Variants in NEK10 observed in about 807,000 individuals in gnomAD.
NEK10 encodes the protein serine/threonine-protein kinase Nek10.
In NEK10, 122 loss-of-function variants were observed where a neutral mutation model predicts 159.8. The ratio of observed to expected loss-of-function variants is 0.76; its 90% CI spans 0.66 to 0.89. The LOEUF (loss-of-function observed/expected upper bound fraction) is 0.89, where lower values mean the gene tolerates loss of function less well. Ranked by LOEUF, NEK10 falls within the 40% of genes least tolerant of loss-of-function variation. The pLI is 0.00. For synonymous variants in NEK10, 466 were observed against 457.1 expected, an observed-to-expected ratio of 1.02 and a Z score of -0.25; for missense variants, 1,342 against 1,323.1, an observed-to-expected ratio of 1.01 and a Z score of -0.22.
At position 27,127,910 on chromosome 3, in the gene NEK10, C is replaced by T. The variant is rs534596475; in HGVS notation, c.3081+3970G>A. ...CCTTCTTCTCTCCTCCTCCCCTCTT[C>T]CTGAAATTTATTTATTGAAGAAAAC... On this transcript the variant is annotated intron_variant, in intron 32 of 35. Coordinates refer to ENST00000691995, the MANE Select transcript of NEK10 (RefSeq NM_001394966.1). Among the ~76,000 whole-genome samples, 4 of 152,240 alleles carry T rather than the reference C, an allele frequency of 2.6e-5. No individual in the cohort carries two copies. In the East Asian group the frequency reaches 7.7e-4, roughly 29 times the overall value.
At chr3:27,286,739 G>T (rs1333859015) in intron 20 of NEK10, among the ~76,000 whole-genome samples, 4 of 151,736 alleles carry the variant, frequency 2.6e-5, no homozygotes, top group Admixed American at 2.0e-4. Flanking sequence ...AAACGTTTTT[G>T]TTTTTTATAT....
At chr3:27,138,730 T>G (rs1943476418) in intron 31 of NEK10, among the ~76,000 whole-genome samples, 1 of 152,212 alleles carries the variant, frequency 6.6e-6, no homozygotes, top group Non-Finnish European at 1.5e-5. Flanking sequence ...CTGAGCCCAG[T>G]GCTGAGTTTT....
At chr3:27,198,010 T>C (rs1949711889) in intron 25 of NEK10, among the ~76,000 whole-genome samples, 4 of 152,050 alleles carry the variant, frequency 2.6e-5, no homozygotes, top group Admixed American at 1.3e-4. Context: ...AAGAGCCAGA[T>C]CAGGCATGCA....
chr3:27,184,572 G>A (rs1342858309), intron 26 of NEK10, among the ~76,000 whole-genome samples: 1 of 152,206 alleles, frequency 6.6e-6, no homozygotes, highest in Non-Finnish European at 1.5e-5. Flanking sequence ...ATAAAAAAGA[G>A]AGAATTGTAG....
chr3:27,174,712 T>C lies in NEK10; in HGVS notation c.2627A>G (p.Glu876Gly). The change falls in exon 27 of 36, where the codon GAA (glutamate) becomes GGA (glycine). Residue 876 changes from glutamate (E) to glycine (G), a missense_variant. Transcript: ENST00000691995. ...EGFQASYGKD[E>G]DRACDEILSD... ...CAGGATTTCGTCACAGGCCCTGTCT[T>C]CGTCTTTACCATAGGAGGCCTGGAA... The C allele has an allele frequency of 6.2e-7, 1 of 1,613,616 alleles. No homozygotes were observed. Among genetic ancestry groups the C allele is most frequent in the South Asian group, 1.1e-5 (1 of 90,990 alleles).
At chr3:27,208,380 G>T (rs985093221) in intron 23 of NEK10, among the ~76,000 whole-genome samples, 1 of 152,104 alleles carries the variant, frequency 6.6e-6, no homozygotes, top group African/African-American at 2.4e-5. Context: ...CTTATTATAA[G>T]CACTTAATAG....
chr3:27,201,421 A>G (rs932543285), intron 25 of NEK10, 89 bp downstream of exon 25: 16 of 1,126,794 alleles, frequency 1.4e-5, no homozygotes, highest in Admixed American at 2.1e-5. Context: ...CTTTCTCTTC[A>G]TGACCTTTTA....
chr3:27,198,810 G>A (rs937616523), intron 25 of NEK10, among the ~76,000 whole-genome samples: 12 of 152,174 alleles, frequency 7.9e-5, no homozygotes, highest in African/African-American at 2.9e-4. Flanking sequence ...GGTGACTCAC[G>A]ACTGTAATCC....
chr3:27,258,639 T>A (rs1020766624), intron 22 of NEK10, among the ~76,000 whole-genome samples: 7 of 152,200 alleles, frequency 4.6e-5, no homozygotes, highest in African/African-American at 1.7e-4. Flanking sequence ...TTGGGTTGGT[T>A]CCAAGTCTTT....
At chr3:27,237,451 A>T (rs1344771439) in intron 23 of NEK10, among the ~76,000 whole-genome samples, 3 of 152,220 alleles carry the variant, frequency 2.0e-5, no homozygotes, top group African/African-American at 2.4e-5. Context: ...GTAAGAAATT[A>T]TAAAAGTATT....
intron 26 of NEK10, among the ~76,000 whole-genome samples, chr3:27,185,697 A>G (rs1948550719): frequency 6.6e-6 from 1 of 152,190 alleles, no homozygotes; most frequent in African/African-American, 2.4e-5. Context: ...CAGGACTGTC[A>G]ATGTATATGA....
intron 28 of NEK10, 95 bp from the exon 29 acceptor site, chr3:27,171,968 G>A: frequency 7.7e-7 from 1 of 1,301,180 alleles, no homozygotes; most frequent in Non-Finnish European, 1.1e-6. Flanking sequence ...AACAAATACT[G>A]GTGAAGATGC....
intron 32 of NEK10, among the ~76,000 whole-genome samples, chr3:27,131,417 C>T (rs541507933): frequency 3.0e-4 from 46 of 152,240 alleles, no homozygotes; most frequent in African/African-American, 9.9e-4. Flanking sequence ...CTGCTAGTAT[C>T]TAAGGTCTAG....
At chr3:27,162,815 T>C (rs1476037447) in intron 29 of NEK10, 77 bp from the exon 30 acceptor site, 4 of 1,588,830 alleles carry the variant, frequency 2.5e-6, no homozygotes, top group South Asian at 1.1e-5. Flanking sequence ...CATCTTGCTA[T>C]GGTCTACATT....
chr3:27,289,306 T>G (rs1575602914), intron 19 of NEK10, among the ~76,000 whole-genome samples: 1 of 152,314 alleles, frequency 6.6e-6, no homozygotes, highest in East Asian at 1.9e-4. Flanking sequence ...TCTTTGTTAA[T>G]GCAGGTTAAT....
chr3:27,119,565 A>G (rs1940984918), intron 33 of NEK10, among the ~76,000 whole-genome samples, 195 bp downstream of exon 33: 1 of 152,234 alleles, frequency 6.6e-6, no homozygotes, highest in South Asian at 2.1e-4. Flanking sequence ...TGATCAAGGA[A>G]GCTGCCACAA....
intron 30 of NEK10, among the ~76,000 whole-genome samples, chr3:27,152,562 T>G (rs2148753253): frequency 6.7e-6 from 1 of 149,916 alleles, no homozygotes; most frequent in Admixed American, 6.6e-5. Flanking sequence ...TATCAAACCC[T>G]CTAAAACAAA....
At chr3:27,200,722 G>A (rs1949971096) in intron 25 of NEK10, among the ~76,000 whole-genome samples, 1 of 152,194 alleles carries the variant, frequency 6.6e-6, no homozygotes, top group Admixed American at 6.5e-5. Context: ...TTTTAAAGCA[G>A]GCAAGGAGGT....
intron 23 of NEK10, among the ~76,000 whole-genome samples, chr3:27,242,673 T>C (rs1245427408): frequency 6.6e-6 from 1 of 152,168 alleles, no homozygotes; most frequent in Non-Finnish European, 1.5e-5. Flanking sequence ...TGAGCATTAT[T>C]TACTAAATTT....
Sources: gnomAD v4.1 joint callset for allele counts (sites outside exome capture counted in the v4.1 genomes callset) on GRCh38, gnomAD v4.1.1 for gene constraint, MANE v1.5 for transcripts, NCBI Gene and HGNC (gene_info 2026-07-23, HGNC 2026-07-21) for gene names.